ZFHX3: variants seen among roughly 807,000 people sequenced by gnomAD.
ZFHX3 encodes the protein zinc finger homeobox 3.
Under a neutral mutation model 279.1 loss-of-function variants are expected in ZFHX3, and 42 were observed. That is an observed-to-expected ratio of 0.15 (90% confidence interval 0.12 to 0.19). The LOEUF (loss-of-function observed/expected upper bound fraction) is 0.19. Ranked by LOEUF, ZFHX3 falls within the 10% of genes least tolerant of loss-of-function variation. ZFHX3 has a pLI of 1.00. For synonymous variants in ZFHX3, 2,293 were observed against 1,957.8 expected (o/e 1.17, Z -4.52); for missense variants, 4,981 against 4,754.0 (o/e 1.05, Z -1.40).
chr16:73,131,985 G>T (rs975247847), intron 6 of ZFHX3, among the ~76,000 whole-genome samples: 1 of 152,098 alleles, frequency 6.6e-6, no homozygotes, highest in Non-Finnish European at 1.5e-5. Context: ...ATGCCTCCCT[G>T]TGATGCAAGA....
At chr16:72,895,150 T>TGC (rs2038868538) in intron 3 of ZFHX3, among the ~76,000 whole-genome samples, 1 of 152,142 alleles carries the variant, frequency 6.6e-6, no homozygotes, top group African/African-American at 2.4e-5. Flanking sequence ...AGCACACACA[T>TGC]GCACACACAC....
chr16:73,566,101 T>C (rs1254810784), intron 2 of ZFHX3, among the ~76,000 whole-genome samples: 1 of 152,148 alleles, frequency 6.6e-6, no homozygotes, highest in Non-Finnish European at 1.5e-5. Flanking sequence ...CAGAGCACCC[T>C]CTCCTGGTGC....
chr16:73,683,938 C>G (rs545615135), intron 1 of ZFHX3, among the ~76,000 whole-genome samples: 1 of 152,210 alleles, frequency 6.6e-6, no homozygotes, highest in Non-Finnish European at 1.5e-5. Flanking sequence ...CAGTCTGTGC[C>G]AAACTACTCA....
At chr16:73,719,416 G>A (rs12931773) in intron 1 of ZFHX3, among the ~76,000 whole-genome samples, 7,484 of 152,244 alleles carry the variant, frequency 0.049, 244 homozygotes, top group Middle Eastern at 0.12. Flanking sequence ...TTTGATAAAT[G>A]TATTTATATG....
In ZFHX3 at chr16:72,950,665, T is replaced by C. The variant is rs375538973; in HGVS notation, c.3020A>G (p.Lys1007Arg). 6.6e-5 allele frequency: 107 copies of C among 1,614,082 alleles called. No homozygotes were observed. Among genetic ancestry groups the C allele is most frequent in the African/African-American group, 9.3e-5 (7 of 74,948 alleles). The change falls in exon 3 of 10, where the codon AAG becomes AGG. Residue 1007 changes from lysine (K) to arginine (R), a missense_variant. Around this residue, in one of 7 missense-constraint regions of ZFHX3, gnomAD observed 1,751 missense variants for 1,770.0 expected, o/e 0.99. Coordinates refer to ENST00000268489, the MANE Select transcript of ZFHX3 (RefSeq NM_006885.4). Reference protein sequence around the residue: ...ANFQLHCKTDKHVQKYQLVAH... With the variant: ...ANFQLHCKTDRHVQKYQLVAH... ...CACCAGCTGGTACTTCTGCACGTGC[T>C]TGTCTGTCTTGCAGTGCAGCTGGAA...
intron 5 of ZFHX3, among the ~76,000 whole-genome samples, chr16:73,164,960 C>T (rs1476405050): frequency 6.6e-6 from 1 of 152,120 alleles, no homozygotes; most frequent in Non-Finnish European, 1.5e-5. Flanking sequence ...AACTTGCATC[C>T]TTATTTACTG....
At chr16:73,251,892 ACACC>A in intron 5 of ZFHX3, among the ~76,000 whole-genome samples, 1 of 139,370 alleles carries the variant, frequency 7.2e-6, no homozygotes. Flanking sequence ...CACCACACAC[ACACC>A]ATGCACACAC....
intron 3 of ZFHX3, among the ~76,000 whole-genome samples, chr16:73,388,473 A>G (rs951104364): frequency 2.6e-5 from 4 of 152,156 alleles, no homozygotes; most frequent in African/African-American, 9.7e-5. Context: ...GTAACCAAAA[A>G]TATCCTAGTC....
intron 2 of ZFHX3, among the ~76,000 whole-genome samples, chr16:73,611,660 A>G (rs897134887): frequency 6.6e-6 from 1 of 152,214 alleles, no homozygotes; most frequent in African/African-American, 2.4e-5. Context: ...GTTTCTGGCA[A>G]TTGTGTGCAA....
intron 1 of ZFHX3, among the ~76,000 whole-genome samples, chr16:72,980,287 T>G (rs9931022): frequency 0.021 from 3,258 of 152,252 alleles, 114 homozygotes; most frequent in African/African-American, 0.074. Context: ...GGGGCTCACA[T>G]GGACGTTGGG....
chr16:72,901,442 G>A lies in ZFHX3; in HGVS notation c.3217-11480C>T, dbSNP rs192515189. The stretch of plus-strand genomic sequence containing the variant: ...CATAATGAGAGAAGACAGGGCAGCC[G>A]GCGCAACACAAGCAGGAGGTAAGCA... On this transcript the variant is annotated intron_variant, in intron 3 of 9. Transcript: ENST00000268489. Among the ~76,000 whole-genome samples the A allele has an allele frequency of 1.0e-3, 153 of 152,208 alleles. 2 individuals carry two copies. The South Asian group carries it at 0.016, about 16-fold the overall frequency.
At chr16:72,887,083 G>C (rs1338646358) in intron 4 of ZFHX3, among the ~76,000 whole-genome samples, 2 of 152,180 alleles carry the variant, frequency 1.3e-5, no homozygotes, top group Non-Finnish European at 1.5e-5. Flanking sequence ...AACCACTCTA[G>C]CAAGGAGAAA....
At chr16:73,807,893 G>A (rs1041990504) in intron 1 of ZFHX3, among the ~76,000 whole-genome samples, 4 of 152,112 alleles carry the variant, frequency 2.6e-5, no homozygotes, top group Middle Eastern at 3.4e-3. Context: ...GCTAGGTTAC[G>A]TGTATCCATT....
intron 1 of ZFHX3, among the ~76,000 whole-genome samples, chr16:73,710,353 C>T (rs1427174016): frequency 3.3e-5 from 5 of 152,160 alleles, no homozygotes; most frequent in Non-Finnish European, 7.4e-5. Flanking sequence ...AAAGCCACAG[C>T]CTCCCTCTTA....
intron 2 of ZFHX3, among the ~76,000 whole-genome samples, chr16:73,611,562 C>A (rs2143883634): frequency 6.6e-6 from 1 of 152,152 alleles, no homozygotes; most frequent in African/African-American, 2.4e-5. Context: ...ACTTCTGAAG[C>A]ATAAGGTGAT....
intron 7 of ZFHX3, among the ~76,000 whole-genome samples, chr16:73,117,921 A>G (rs569254451): frequency 1.8e-4 from 28 of 152,358 alleles, no homozygotes; most frequent in Non-Finnish European, 3.2e-4. Flanking sequence ...TGGTGCCTTC[A>G]TCTTGGACTT....
intron 3 of ZFHX3, among the ~76,000 whole-genome samples, chr16:72,906,204 G>A (rs773607203): frequency 2.0e-5 from 3 of 151,828 alleles, no homozygotes; most frequent in African/African-American, 4.8e-5. Flanking sequence ...CTGGAAGGCC[G>A]GCCCGGGAAA....
chr16:72,882,977 G>GGTGTGTGTGTGTGTGTGTGT (rs56328056), intron 4 of ZFHX3, among the ~76,000 whole-genome samples: 7 of 65,442 alleles, frequency 1.1e-4, no homozygotes, highest in South Asian at 6.5e-4. Context: ...ACCACTCTGG[G>GGTGTGTGTGTGTGTGTGTGT]GTGTGTGTGT....
chr16:73,258,685 A>G (rs2013732465), intron 4 of ZFHX3, among the ~76,000 whole-genome samples: 1 of 152,182 alleles, frequency 6.6e-6, no homozygotes, highest in Admixed American at 6.5e-5. Flanking sequence ...AAGTACAGAG[A>G]ATAACCTAAT....
Sources: gnomAD v4.1 joint callset for allele counts (sites outside exome capture counted in the v4.1 genomes callset) on GRCh38, gnomAD v4.1.1 for gene constraint, gnomAD v4.1.1 regional missense constraint, MANE v1.5 for transcripts, NCBI Gene and HGNC (gene_info 2026-07-23, HGNC 2026-07-21) for gene names.